The following HTR4 variants were observed in gnomAD, a reference collection of about 807,000 sequenced individuals.
The protein encoded by HTR4 is 5-hydroxytryptamine receptor 4.
A neutral mutation model predicts 36.8 loss-of-function variants in HTR4; 16 were observed. The ratio of observed to expected loss-of-function variants is 0.43; its 90% CI spans 0.29 to 0.66. The LOEUF (loss-of-function observed/expected upper bound fraction) is 0.66, where lower values mean the gene tolerates loss of function less well. HTR4 is among the 30% of genes least tolerant of loss of function. The pLI is 0.13. For synonymous variants in HTR4, 189 were observed against 185.1 expected (o/e 1.02, Z -0.17); for missense variants, 438 against 490.9 (o/e 0.89, Z 1.02).
chr5:148,611,647 A>T (rs1235586838), intron 2 of HTR4, among the ~76,000 whole-genome samples: 2 of 149,948 alleles, frequency 1.3e-5, no homozygotes, highest in Non-Finnish European at 3.0e-5. Flanking sequence ...AGCTAACATC[A>T]TAATGACAGG....
At chr5:148,582,730 C>T (rs372722515) in intron 2 of HTR4, among the ~76,000 whole-genome samples, 1 of 152,088 alleles carries the variant, frequency 6.6e-6, no homozygotes, top group Non-Finnish European at 1.5e-5. Context: ...CATGATTTGG[C>T]TCTCTGTCTG....
intron 4 of HTR4, among the ~76,000 whole-genome samples, chr5:148,527,002 C>T (rs1439557958): frequency 1.3e-5 from 2 of 152,108 alleles, no homozygotes; most frequent in African/African-American, 2.4e-5. Flanking sequence ...CTTATTGTAT[C>T]TTTCAAAATA....
At chr5:148,590,921 C>T (rs2910097) in intron 2 of HTR4, among the ~76,000 whole-genome samples, 40,181 of 151,916 alleles carry the variant, frequency 0.26, 6,329 homozygotes, top group Non-Finnish European at 0.35. Context: ...ATGTCCAGGA[C>T]GTATTGCCTG....
chr5:148,521,818 C>A (rs950776942), intron 5 of HTR4, among the ~76,000 whole-genome samples: 2 of 152,094 alleles, frequency 1.3e-5, no homozygotes, highest in East Asian at 3.9e-4. Flanking sequence ...CAGTTCAGAG[C>A]TGGGCTCAGG....
intron 4 of HTR4, among the ~76,000 whole-genome samples, chr5:148,532,513 T>G (rs914618906): frequency 2.6e-5 from 4 of 152,206 alleles, no homozygotes; most frequent in African/African-American, 7.2e-5. Flanking sequence ...AACAGGCATA[T>G]CTAGCAGAGG....
intron 2 of HTR4, among the ~76,000 whole-genome samples, chr5:148,584,624 T>C (rs1761279407): frequency 1.3e-5 from 2 of 152,164 alleles, no homozygotes; most frequent in Non-Finnish European, 2.9e-5. Context: ...TCCTACTTCC[T>C]AGGTGACAGA....
intron 6 of HTR4, among the ~76,000 whole-genome samples, chr5:148,508,455 C>A (rs1298719978): frequency 6.6e-6 from 1 of 152,162 alleles, no homozygotes; most frequent in Non-Finnish European, 1.5e-5. Context: ...ACTTCCACCT[C>A]CATCCACTTA....
intron 5 of HTR4, among the ~76,000 whole-genome samples, chr5:148,517,489 T>G (rs1757811091): frequency 6.6e-6 from 1 of 152,084 alleles, no homozygotes; most frequent in African/African-American, 2.4e-5. Context: ...AAAAGCCAAG[T>G]GTTTGACTCT....
At chr5:148,602,752 A>G (rs927045298) in intron 2 of HTR4, among the ~76,000 whole-genome samples, 1 of 152,178 alleles carries the variant, frequency 6.6e-6, no homozygotes, top group East Asian at 1.9e-4. Context: ...GGCTTATTAA[A>G]AAATGTTTAA....
At chr5:148,597,511 C>T (rs1001553299) in intron 2 of HTR4, among the ~76,000 whole-genome samples, 1 of 152,146 alleles carries the variant, frequency 6.6e-6, no homozygotes, top group Non-Finnish European at 1.5e-5. Flanking sequence ...TCTTCTTACT[C>T]CTTACCTCTT....
At chr5:148,619,247 G>A (rs1421358778) in intron 2 of HTR4, among the ~76,000 whole-genome samples, 1 of 152,050 alleles carries the variant, frequency 6.6e-6, no homozygotes, top group East Asian at 1.9e-4. Context: ...TAAACACTAG[G>A]ATTGGGCCAG....
At chr5:148,600,999 A>AC (rs1355474223) in intron 2 of HTR4, among the ~76,000 whole-genome samples, 12 of 148,322 alleles carry the variant, frequency 8.1e-5, no homozygotes, top group Non-Finnish European at 1.8e-4. Context: ...AAAAAAAAAA[A>AC]AAAACAAATA....
rs535965854 is a variant in HTR4 at position 148,617,366 on chromosome 5, T to C, written c.26+19623A>G. On this transcript the variant is annotated intron_variant, in intron 2 of 6. Transcript: ENST00000377888. ...TACCCAACCATGAGCCAACTAAACC[T>C]CTTTTGTTTATAAATTACCCAATCT... 2.0e-5 allele frequency among the ~76,000 whole-genome samples: 3 copies of C among 152,334 alleles called. No homozygotes were observed. The South Asian group carries it at 6.2e-4, about 32-fold the overall frequency.
At chr5:148,611,795 G>A (rs1018302820) in intron 2 of HTR4, among the ~76,000 whole-genome samples, 8 of 151,192 alleles carry the variant, frequency 5.3e-5, no homozygotes, top group Non-Finnish European at 1.5e-5. Context: ...CTCACGTGCA[G>A]AGACACACAT....
intron 6 of HTR4, among the ~76,000 whole-genome samples, chr5:148,488,113 T>C (rs993280383): frequency 3.9e-5 from 6 of 152,210 alleles, no homozygotes; most frequent in African/African-American, 1.4e-4. Flanking sequence ...TGTAATAAGT[T>C]ATCAGCAAGT....
chr5:148,585,481 A>C (rs1280778326), intron 2 of HTR4, among the ~76,000 whole-genome samples: 1 of 152,244 alleles, frequency 6.6e-6, no homozygotes, highest in Non-Finnish European at 1.5e-5. Flanking sequence ...ATATATGTTC[A>C]GAACCATGCT....
At chr5:148,598,104 T>C (rs1761850305) in intron 2 of HTR4, among the ~76,000 whole-genome samples, 2 of 152,214 alleles carry the variant, frequency 1.3e-5, no homozygotes, top group South Asian at 4.2e-4. Context: ...TGAGGGAAGA[T>C]TCTGGGATTA....
chr5:148,643,808 T>C (rs915092048), intron 1 of HTR4, among the ~76,000 whole-genome samples: 18 of 152,186 alleles, frequency 1.2e-4, no homozygotes, highest in Non-Finnish European at 2.1e-4. Flanking sequence ...GCTGTTCAAT[T>C]ATTGATCTAT....
intron 5 of HTR4, among the ~76,000 whole-genome samples, chr5:148,463,704 T>G (rs4705259): frequency 0.48 from 72,573 of 151,744 alleles, 17,783 homozygotes; most frequent in East Asian, 0.7. Flanking sequence ...GGTTTTTTTT[T>G]TTTGTTTGTT....
Sources: gnomAD v4.1 joint callset for allele counts (sites outside exome capture counted in the v4.1 genomes callset) on GRCh38, gnomAD v4.1.1 for gene constraint, MANE v1.5 for transcripts, NCBI Gene and HGNC (gene_info 2026-07-23, HGNC 2026-07-21) for gene names.